The following ACYP2 variants were observed in gnomAD, a reference collection of about 807,000 sequenced individuals.
ACYP2 encodes the protein acylphosphatase-2.
ACYP2 carries 12 observed loss-of-function variants against 11.2 expected under a neutral mutation model. The ratio of observed to expected loss-of-function variants is 1.08; its 90% CI spans 0.69 to 1.74. ACYP2 has a LOEUF of 1.74. ACYP2 is among the 40% of genes most tolerant of loss of function. ACYP2 has a pLI of 0.00. For missense variants in ACYP2, 134 were observed against 101.9 expected (o/e 1.31, Z -1.35); for synonymous variants, 43 against 32.2 (o/e 1.33, Z -1.13).
At chr2:54,240,607 C>T (rs189669640) in intron 6 of ACYP2, among the ~76,000 whole-genome samples, 13 of 152,250 alleles carry the variant, frequency 8.5e-5, no homozygotes, top group East Asian at 7.7e-4. Flanking sequence ...TTTGTCTTTG[C>T]GGCACTCCCT....
intron 6 of ACYP2, among the ~76,000 whole-genome samples, chr2:54,274,617 C>G (rs1335456194): frequency 9.8e-6 from 1 of 101,832 alleles, no homozygotes; most frequent in Non-Finnish European, 1.8e-5. Context: ...CAGAGCAAGA[C>G]TCCATCTCAA....
intron 6 of ACYP2, among the ~76,000 whole-genome samples, chr2:54,233,382 A>G (rs1483367129): frequency 1.4e-5 from 2 of 145,166 alleles, no homozygotes; most frequent in Non-Finnish European, 3.0e-5. Flanking sequence ...TGCAACCTCT[A>G]CTTCCCTGGG....
chr2:54,226,948 TAATC>T lies in ACYP2; in HGVS notation c.405-77737_405-77734del, dbSNP rs143864673. Reference sequence around the variant, plus strand: ...TTTTTCCTAAATAGATTTAAAATTTTAATCAACACATTTGGCTTATATGATGAAA... The same window carrying T: ...TTTTTCCTAAATAGATTTAAAATTTTAACACATTTGGCTTATATGATGAAA... On this transcript the variant is annotated intron_variant, in intron 6 of 6. Coordinates refer to ENST00000607452, the MANE Select transcript of ACYP2 (RefSeq NM_001320586.2). Among the ~76,000 whole-genome samples, 488 of 152,342 alleles carry T rather than the reference TAATC, an allele frequency of 3.2e-3. 2 individuals are homozygous for T. The highest frequency in any genetic ancestry group is 4.6e-3 in the Non-Finnish European group (316 of 68,030).
chr2:54,240,194 G>A (rs891729800), intron 6 of ACYP2, among the ~76,000 whole-genome samples: 2 of 152,194 alleles, frequency 1.3e-5, no homozygotes, highest in Admixed American at 6.5e-5. Context: ...TAGCTTAGAT[G>A]GGGGTGGGTG....
chr2:53,984,622 T>G (rs1325786892), intron 2 of ACYP2, among the ~76,000 whole-genome samples: 2 of 149,504 alleles, frequency 1.3e-5, no homozygotes, highest in Non-Finnish European at 3.0e-5. Flanking sequence ...TATGCATATA[T>G]TATATATTAT....
At chr2:54,303,055 G>A (rs1444852299) in intron 6 of ACYP2, among the ~76,000 whole-genome samples, 4 of 152,096 alleles carry the variant, frequency 2.6e-5, no homozygotes, top group Non-Finnish European at 4.4e-5. Flanking sequence ...GCATAGTGCC[G>A]AACAAATTGT....
chr2:54,102,010 C>T (rs1414036878), intron 4 of ACYP2, among the ~76,000 whole-genome samples: 1 of 152,160 alleles, frequency 6.6e-6, no homozygotes, highest in African/African-American at 2.4e-5. Flanking sequence ...TGTGTAATGT[C>T]ATGTATTCAC....
At chr2:54,099,115 T>C (rs1263276913) in intron 4 of ACYP2, among the ~76,000 whole-genome samples, 1 of 152,238 alleles carries the variant, frequency 6.6e-6, no homozygotes, top group Non-Finnish European at 1.5e-5. Context: ...TCCCTTCACC[T>C]GCTGTTCCTT....
At chr2:54,179,343 C>A (rs1052683240) in intron 6 of ACYP2, among the ~76,000 whole-genome samples, 18 of 152,144 alleles carry the variant, frequency 1.2e-4, no homozygotes, top group Admixed American at 9.2e-4. Flanking sequence ...AGTTCTGACA[C>A]TATCTACTTG....
chr2:54,005,984 A>G (rs1004443213), intron 2 of ACYP2, among the ~76,000 whole-genome samples: 1 of 151,758 alleles, frequency 6.6e-6, no homozygotes. Flanking sequence ...TTTAAAAAAC[A>G]TATAGGCCGG....
At chr2:54,092,350 GAGA>G (rs1678280972) in intron 4 of ACYP2, among the ~76,000 whole-genome samples, 2 of 152,192 alleles carry the variant, frequency 1.3e-5, no homozygotes, top group African/African-American at 2.4e-5. Context: ...TGGTGGGACA[GAGA>G]AGAATATATT....
chr2:54,119,118 T>A (rs1296343795), intron 4 of ACYP2, among the ~76,000 whole-genome samples: 1 of 133,770 alleles, frequency 7.5e-6, no homozygotes, highest in African/African-American at 2.8e-5. Context: ...GGCAAGATCA[T>A]AGCTCACTGC....
chr2:54,016,011 G>A (rs1055350518), intron 2 of ACYP2, among the ~76,000 whole-genome samples: 4 of 152,156 alleles, frequency 2.6e-5, no homozygotes, highest in African/African-American at 7.2e-5. Flanking sequence ...CAAGCCATAA[G>A]CCCCAGCCTG....
chr2:54,078,350 T>TA (rs574549983), intron 4 of ACYP2, among the ~76,000 whole-genome samples: 8,743 of 139,608 alleles, frequency 0.063, 329 homozygotes, highest in African/African-American at 0.11. Flanking sequence ...GATATCTTCC[T>TA]AAAAAAAAAA....
chr2:54,093,694 A>G (rs368546393), intron 4 of ACYP2, among the ~76,000 whole-genome samples: 20 of 152,230 alleles, frequency 1.3e-4, no homozygotes, highest in East Asian at 1.2e-3. Context: ...TAATTCCAGC[A>G]CTTCGGGAGG....
intron 2 of ACYP2, among the ~76,000 whole-genome samples, chr2:53,997,793 A>C (rs986655020): frequency 1.3e-5 from 2 of 152,198 alleles, no homozygotes; most frequent in Non-Finnish European, 2.9e-5. Flanking sequence ...AAATAAAATA[A>C]AGTGAGTTAA....
At position 54,210,141 on chromosome 2, in the gene ACYP2, CAAAAAAA is replaced by C. The variant is rs57860939; in HGVS notation, c.404+71414_404+71420del. Among the ~76,000 whole-genome samples the C allele has an allele frequency of 4.0e-3, 281 of 70,974 alleles. 2 individuals carry two copies. The highest frequency in any genetic ancestry group is 0.032 in the South Asian group (66 of 2,034). The allele number at this position is 70,974 out of a possible 152,430, so 46.6% of individuals were successfully genotyped here. A position where few individuals can be genotyped will look rare whatever the true frequency, so the allele number is the denominator to read the frequency against. On this transcript the variant is annotated intron_variant, in intron 6 of 6. Transcript: ENST00000607452. ...GGGTGACAAGAATGAGACTGTGTCT[CAAAAAAA>C]AAAAAAAAAAAAAAAAAAAATTAAC...
chr2:54,103,479 CCTAA>C (rs554730913), intron 4 of ACYP2, among the ~76,000 whole-genome samples: 88 of 152,242 alleles, frequency 5.8e-4, no homozygotes, highest in Non-Finnish European at 9.1e-4. Context: ...TCATTTGCTT[CCTAA>C]CTTTGTTATT....
intron 2 of ACYP2, among the ~76,000 whole-genome samples, chr2:54,016,976 C>A (rs971474507): frequency 1.3e-5 from 2 of 151,548 alleles, no homozygotes; most frequent in African/African-American, 4.9e-5. Context: ...CCACCCATCT[C>A]GGCCTCCCAA....
Sources: allele counts gnomAD v4.1 joint callset (sites outside exome capture counted in the v4.1 genomes callset), GRCh38; gene constraint gnomAD v4.1.1; transcripts MANE v1.5; gene names NCBI Gene and HGNC (gene_info 2026-07-23, HGNC 2026-07-21).